Variants in NUP93 observed in about 807,000 individuals in gnomAD.
The protein encoded by NUP93 is nuclear pore complex protein Nup93.
In NUP93, 55 loss-of-function variants were observed where a neutral mutation model predicts 107.8. That is an observed-to-expected ratio of 0.51 (90% CI 0.41 to 0.64). The LOEUF (loss-of-function observed/expected upper bound fraction) is 0.64, where lower values mean the gene tolerates loss of function less well. NUP93 is among the 30% of genes least tolerant of loss of function. The pLI, the probability that NUP93 is intolerant of heterozygous loss-of-function variation, is 0.00. For missense variants in NUP93, 937 were observed against 1,044.7 expected, an observed-to-expected ratio of 0.90 and a Z score of 1.42; for synonymous variants, 390 against 397.5, an observed-to-expected ratio of 0.98 and a Z score of 0.22.
intron 3 of NUP93, among the ~76,000 whole-genome samples, chr16:56,789,018 A>AT (rs1282187965): frequency 2.4e-4 from 37 of 151,268 alleles, no homozygotes; most frequent in African/African-American, 7.8e-4. Flanking sequence ...TTGCATGATA[A>AT]TTTTTTTTTC....
intron 3 of NUP93, among the ~76,000 whole-genome samples, chr16:56,772,936 AAG>A (rs2144506805): frequency 6.6e-6 from 1 of 152,248 alleles, no homozygotes; most frequent in South Asian, 2.1e-4. Flanking sequence ...GCCTGCTGGG[AAG>A]AGAGAGGATC....
At chr16:56,786,439 C>CT (rs1388407857) in intron 3 of NUP93, among the ~76,000 whole-genome samples, 2 of 152,224 alleles carry the variant, frequency 1.3e-5, no homozygotes, top group African/African-American at 4.8e-5. Flanking sequence ...GACTCCATTT[C>CT]TTTCTCTGCC....
chr16:56,763,960 G>A (rs1378035710), intron 3 of NUP93, among the ~76,000 whole-genome samples: 1 of 151,982 alleles, frequency 6.6e-6, no homozygotes, highest in African/African-American at 2.4e-5. Context: ...GTGATAAACA[G>A]GATAAAATAA....
intron 3 of NUP93, among the ~76,000 whole-genome samples, chr16:56,766,178 G>C (rs1208945223): frequency 6.6e-6 from 1 of 152,150 alleles, no homozygotes; most frequent in Non-Finnish European, 1.5e-5. Flanking sequence ...TCTTCTAGGA[G>C]GTTTCTTATA....
chr16:56,770,781 A>G (rs1410420284), intron 3 of NUP93, among the ~76,000 whole-genome samples: 1 of 152,116 alleles, frequency 6.6e-6, no homozygotes, highest in African/African-American at 2.4e-5. Flanking sequence ...TGGCCCTCAT[A>G]GGCCGGGCGC....
intron 3 of NUP93, among the ~76,000 whole-genome samples, chr16:56,767,551 ACTC>A (rs1440639264): frequency 6.6e-6 from 1 of 151,614 alleles, no homozygotes; most frequent in Non-Finnish European, 1.5e-5. Context: ...AGTTTCCTCC[ACTC>A]CTCCCTTTTC....
chr16:56,749,432 A>G (rs1961879369), intron 2 of NUP93, among the ~76,000 whole-genome samples: 1 of 152,174 alleles, frequency 6.6e-6, no homozygotes, highest in African/African-American at 2.4e-5. Context: ...TCCAGAGTGC[A>G]TACTCCTCTG....
chr16:56,733,262 G>A (rs1445459606), intron 1 of NUP93, among the ~76,000 whole-genome samples: 2 of 152,182 alleles, frequency 1.3e-5, no homozygotes, highest in African/African-American at 4.8e-5. Context: ...ATCTTATTCT[G>A]TAGGGGATGG....
chr16:56,805,606 G>A lies in NUP93; in HGVS notation c.463G>A (p.Ala155Thr), dbSNP rs1389829048. The part of the protein sequence containing the change: ...LHTLLASGED[A>T]LDFTQESEPS... ...CACACTGCTGGCATCAGGAGAAGAC[G>A]CCCTTGACTTTACTCAAGAAAGCGA... Residue 155 changes from alanine (A) to threonine (T), a missense_variant, in exon 5 of 22, where the codon GCC (alanine) becomes ACC (threonine). Coordinates refer to ENST00000308159, the MANE Select transcript of NUP93 (RefSeq NM_014669.5). The A allele has an allele frequency of 1.4e-5, 23 of 1,613,840 alleles. No homozygotes were observed. Among genetic ancestry groups the A allele is most frequent in the African/African-American group, 2.7e-5 (2 of 74,888 alleles).
At chr16:56,757,915 C>T (rs1434463081) in intron 2 of NUP93, among the ~76,000 whole-genome samples, 1 of 152,222 alleles carries the variant, frequency 6.6e-6, no homozygotes, top group South Asian at 2.1e-4. Context: ...TATTCATCTA[C>T]GGAGGCTGTA....
chr16:56,805,673 A>C, intron 5 of NUP93, 41 bp downstream of exon 5: 1 of 1,585,656 alleles, frequency 6.3e-7, no homozygotes, highest in Non-Finnish European at 8.6e-7. Context: ...TAATAAAAAC[A>C]TGAAGTCAAA....
chr16:56,759,832 G>C (rs1162054181), intron 3 of NUP93, among the ~76,000 whole-genome samples: 1 of 152,058 alleles, frequency 6.6e-6, no homozygotes, highest in Non-Finnish European at 1.5e-5. Context: ...CCTGCTGAAA[G>C]GGTTTTTGTT....
intron 3 of NUP93, among the ~76,000 whole-genome samples, chr16:56,760,266 G>T (rs1361327070): frequency 6.6e-6 from 1 of 152,188 alleles, no homozygotes; most frequent in African/African-American, 2.4e-5. Flanking sequence ...AGTCGCTCAT[G>T]CCTCTAATCC....
At chr16:56,836,990 A>G (rs1596861181) in intron 17 of NUP93, among the ~76,000 whole-genome samples, 1 of 152,264 alleles carries the variant, frequency 6.6e-6, no homozygotes, top group African/African-American at 2.4e-5. Context: ...ATTAGCATCC[A>G]TCACATTTCG....
At chr16:56,735,577 G>T (rs1430463421) in intron 1 of NUP93, among the ~76,000 whole-genome samples, 2 of 152,216 alleles carry the variant, frequency 1.3e-5, no homozygotes, top group African/African-American at 4.8e-5. Flanking sequence ...GGGCGCAGTG[G>T]CCCTCGCCTG....
At chr16:56,827,066 A>AAAAT (rs1567407777) in intron 8 of NUP93, among the ~76,000 whole-genome samples, 25 of 143,022 alleles carry the variant, frequency 1.7e-4, no homozygotes, top group African/African-American at 6.1e-4. Context: ...AAAAAAAAAA[A>AAAAT]AAATTTTGTT....
intron 8 of NUP93, among the ~76,000 whole-genome samples, chr16:56,824,591 T>G (rs1367999435): frequency 6.6e-6 from 1 of 152,340 alleles, no homozygotes; most frequent in East Asian, 1.9e-4. Flanking sequence ...CCAAGTTGAA[T>G]ACACTTGCTA....
intron 5 of NUP93, among the ~76,000 whole-genome samples, chr16:56,817,777 C>T (rs1963463014): frequency 6.6e-6 from 1 of 152,092 alleles, no homozygotes; most frequent in Non-Finnish European, 1.5e-5. Flanking sequence ...TACATACTTA[C>T]CATTGTGTTA....
At chr16:56,808,661 T>C (rs1234670505) in intron 5 of NUP93, among the ~76,000 whole-genome samples, 2 of 130,704 alleles carry the variant, frequency 1.5e-5, no homozygotes, top group African/African-American at 2.9e-5. Context: ...AAAATACATA[T>C]ATTTATAAAT....
Sources: gnomAD v4.1 joint callset for allele counts (sites outside exome capture counted in the v4.1 genomes callset) on GRCh38, gnomAD v4.1.1 for gene constraint, MANE v1.5 for transcripts, NCBI Gene and HGNC (gene_info 2026-07-23, HGNC 2026-07-21) for gene names.